Variants in KAZN observed in about 807,000 individuals in gnomAD.
The protein encoded by KAZN is kazrin, periplakin interacting protein.
KAZN carries 40 observed loss-of-function variants against 87.4 expected under a neutral mutation model. The observed-to-expected ratio is 0.46, with a 90% CI of 0.36 to 0.60. The LOEUF is 0.60. Among genes scored for constraint, KAZN ranks in the 20% least tolerant of loss-of-function variants. The pLI is 0.00. For missense variants in KAZN, 898 were observed against 1,073.9 expected, an observed-to-expected ratio of 0.84 and a Z score of 2.29; for synonymous variants, 466 against 458.3, an observed-to-expected ratio of 1.02 and a Z score of -0.22.
At chr1:14,834,199 C>G (rs1163705281) in intron 1 of KAZN, among the ~76,000 whole-genome samples, 2 of 151,842 alleles carry the variant, frequency 1.3e-5, no homozygotes, top group Admixed American at 6.6e-5. Flanking sequence ...CCACGCCTGG[C>G]TAATTTTTGT....
intron 1 of KAZN, among the ~76,000 whole-genome samples, chr1:14,785,475 C>T (rs1478658769): frequency 6.6e-6 from 1 of 152,136 alleles, no homozygotes; most frequent in Non-Finnish European, 1.5e-5. Context: ...CAGGGGAGGC[C>T]CGTTCCTCTG....
At chr1:14,285,293 T>C (rs1386001101) in intron 2 of KAZN, among the ~76,000 whole-genome samples, 3 of 152,228 alleles carry the variant, frequency 2.0e-5, no homozygotes, top group Non-Finnish European at 1.5e-5. Flanking sequence ...TTCAGAATTA[T>C]TATTACTTTG....
At chr1:14,329,553 G>T (rs118036230) in intron 2 of KAZN, among the ~76,000 whole-genome samples, 2 of 152,318 alleles carry the variant, frequency 1.3e-5, no homozygotes, top group East Asian at 1.9e-4. Flanking sequence ...TGGATGATCT[G>T]GGAAGAGCAC....
At chr1:14,384,417 G>A (rs934332032) in intron 2 of KAZN, among the ~76,000 whole-genome samples, 19 of 152,062 alleles carry the variant, frequency 1.2e-4, no homozygotes, top group African/African-American at 4.6e-4. Flanking sequence ...AATGCTTCCA[G>A]TTTTTGCCCA....
chr1:14,528,797 CTCT>C (rs1011574600), intron 2 of KAZN, among the ~76,000 whole-genome samples: 1 of 150,760 alleles, frequency 6.6e-6, no homozygotes, highest in Non-Finnish European at 1.5e-5. Flanking sequence ...ACTCTCCTGA[CTCT>C]TCTTTTCTCC....
chr1:14,923,698 A>C lies in KAZN; in HGVS notation c.227-36986A>C, dbSNP rs1228470502. Among the ~76,000 whole-genome samples the C allele has an allele frequency of 6.6e-6, 1 of 152,170 alleles. No individual in the cohort carries two copies. The highest frequency in any genetic ancestry group is 1.5e-5 in the Non-Finnish European group (1 of 68,026). ...CCCCTCACTTAGAGGATGGCCGGTC[A>C]CACGCAAAGATGAGCGAAGGAAAGG... On this transcript the variant is annotated intron_variant, in intron 1 of 14. Transcript: ENST00000376030. This position sits in a 1 kb window ranked among gnomAD's most constrained non-coding sequence, Gnocchi z 4.2.
intron 1 of KAZN, among the ~76,000 whole-genome samples, chr1:13,897,425 G>A (rs762600462): frequency 6.6e-6 from 1 of 152,188 alleles, no homozygotes; most frequent in Non-Finnish European, 1.5e-5. Context: ...ATGCTACATG[G>A]TGCTGTGGTT....
intron 2 of KAZN, among the ~76,000 whole-genome samples, chr1:14,563,280 C>A (rs1674357844): frequency 6.6e-6 from 1 of 152,210 alleles, no homozygotes; most frequent in South Asian, 2.1e-4. Context: ...TGACAATCCA[C>A]AAGGGTCATC....
intron 1 of KAZN, among the ~76,000 whole-genome samples, chr1:14,141,235 TTAA>T (rs1251163843): frequency 3.0e-5 from 1 of 33,148 alleles, no homozygotes; most frequent in East Asian, 2.3e-3. Context: ...TGATTACCAT[TTAA>T]AAAAAAAAAA....
intron 1 of KAZN, among the ~76,000 whole-genome samples, chr1:14,836,116 C>T (rs1439755869): frequency 6.6e-6 from 1 of 152,174 alleles, no homozygotes. Flanking sequence ...AGTGTGCTTC[C>T]TGCAGGCAAC....
intron 2 of KAZN, among the ~76,000 whole-genome samples, chr1:14,558,434 A>G (rs1271639460): frequency 6.6e-6 from 1 of 152,184 alleles, no homozygotes; most frequent in Non-Finnish European, 1.5e-5. Context: ...ATGCTTAGCA[A>G]GGATTATCGT....
chr1:14,557,615 A>G (rs1240734794), intron 2 of KAZN, among the ~76,000 whole-genome samples: 1 of 142,938 alleles, frequency 7.0e-6, no homozygotes, highest in African/African-American at 2.6e-5. Context: ...AACAAAACCA[A>G]TAGGGTGTGT....
chr1:14,802,689 C>A (rs1356786937), intron 1 of KAZN, among the ~76,000 whole-genome samples: 1 of 152,194 alleles, frequency 6.6e-6, no homozygotes, highest in Non-Finnish European at 1.5e-5. Context: ...AGACACTGTT[C>A]CAACACCATG....
intron 2 of KAZN, among the ~76,000 whole-genome samples, chr1:14,503,903 C>T (rs979925832): frequency 6.6e-6 from 1 of 152,114 alleles, no homozygotes; most frequent in African/African-American, 2.4e-5. Context: ...ATCATGGTAT[C>T]TAAACAGCCC....
rs963719119 is a variant in KAZN, at chr1:15,116,137, G to A, written c.*1502G>A. ...GGAAGGACGGATGCATTGCGATTCT[G>A]CTTACACATCGGGTTATCAAAGCGA... On this transcript the variant is annotated 3_prime_UTR_variant, in exon 15 of 15. Transcript: ENST00000376030. The A allele has an allele frequency of 6.6e-6, 1 of 152,174 alleles. No individual in the cohort carries two copies. The highest frequency in any genetic ancestry group is 2.4e-5 in the African/African-American group (1 of 41,422). 9.4% of individuals were successfully genotyped at this position (152,174 alleles called of 1,614,324 possible).
chr1:14,803,862 C>T (rs554189465), intron 1 of KAZN, among the ~76,000 whole-genome samples: 1 of 152,376 alleles, frequency 6.6e-6, no homozygotes, highest in African/African-American at 2.4e-5. Flanking sequence ...ATGCCTTCCT[C>T]TTCCATGTGC....
At chr1:15,111,270 G>GC (rs1641606930) in intron 13 of KAZN, among the ~76,000 whole-genome samples, 1 of 26,788 alleles carries the variant, frequency 3.7e-5, no homozygotes, top group East Asian at 6.0e-3. Context: ...TGTTGTTGTT[G>GC]TTTGTTGTTG....
At chr1:14,471,244 A>G (rs902823936) in intron 2 of KAZN, among the ~76,000 whole-genome samples, 5 of 152,198 alleles carry the variant, frequency 3.3e-5, no homozygotes, top group Non-Finnish European at 5.9e-5. Flanking sequence ...ACGGCTGGCT[A>G]TCATTCTTGA....
At chr1:14,465,303 G>A (rs1160016670) in intron 2 of KAZN, among the ~76,000 whole-genome samples, 1 of 150,682 alleles carries the variant, frequency 6.6e-6, no homozygotes. Context: ...GGAGGCTGAG[G>A]CAGGAGAATG....
Sources: allele counts gnomAD v4.1 joint callset (sites outside exome capture counted in the v4.1 genomes callset), GRCh38; gene constraint gnomAD v4.1.1; non-coding constraint Gnocchi (gnomAD v3.1); transcripts MANE v1.5; gene names NCBI Gene and HGNC (gene_info 2026-07-23, HGNC 2026-07-21).